The following POLG2 variants were observed in gnomAD, a reference collection of about 807,000 sequenced individuals.
POLG2 encodes the protein DNA polymerase gamma 2, accessory subunit.
Under a neutral mutation model 56.5 loss-of-function variants are expected in POLG2, and 50 were observed. The observed-to-expected ratio is 0.88, with a 90% CI of 0.71 to 1.12. The LOEUF is 1.12. Among genes scored for constraint, POLG2 ranks in the 50% most tolerant of loss-of-function variants. POLG2 has a pLI of 0.00. For synonymous variants in POLG2, 226 were observed against 222.6 expected, an observed-to-expected ratio of 1.02 and a Z score of -0.14; for missense variants, 584 against 583.3, an observed-to-expected ratio of 1.00 and a Z score of -0.01.
intron 6 of POLG2, 98 bp downstream of exon 6, chr17:64,482,821 A>G: frequency 1.3e-6 from 1 of 746,610 alleles, no homozygotes; most frequent in Non-Finnish European, 2.4e-6. Flanking sequence ...ATGCAAATAT[A>G]CCAAAAAAAT....
chr17:64,491,407 T>C (rs1257892146), intron 3 of POLG2: 2 of 662,884 alleles, frequency 3.0e-6, no homozygotes, highest in Non-Finnish European at 2.5e-6. Context: ...CCAGCCTGGG[T>C]AACAGAGCAA....
chr17:64,481,335 G>C (rs1393718486), intron 6 of POLG2: 1 of 985,324 alleles, frequency 1.0e-6, no homozygotes. Context: ...ACAAAAGCCA[G>C]GGTCAGAAAG....
intron 4 of POLG2, chr17:64,490,572 T>G: frequency 1.9e-6 from 1 of 540,422 alleles, no homozygotes; most frequent in Non-Finnish European, 3.3e-6. Context: ...ATGCCATTAT[T>G]GAGATAATCA....
At chr17:64,493,395 C>A (rs1194719179) in intron 1 of POLG2, among the ~76,000 whole-genome samples, 2 of 151,756 alleles carry the variant, frequency 1.3e-5, no homozygotes, top group East Asian at 1.9e-4. Context: ...CCAGCCTGGG[C>A]AACAGAGTGA....
intron 5 of POLG2, among the ~76,000 whole-genome samples, chr17:64,484,849 C>T (rs1555667150): frequency 6.6e-6 from 1 of 152,096 alleles, no homozygotes; most frequent in Admixed American, 6.6e-5. Flanking sequence ...TCATGGTTCC[C>T]AATCCCAGCT....
chr17:64,488,787 G>A (rs2038002251), intron 4 of POLG2, among the ~76,000 whole-genome samples: 1 of 151,928 alleles, frequency 6.6e-6, no homozygotes, highest in South Asian at 2.1e-4. Flanking sequence ...GGTCAATATG[G>A]TGAAACCCTG....
At chr17:64,483,411 C>T (rs375199276) in intron 5 of POLG2, among the ~76,000 whole-genome samples, 4 of 151,374 alleles carry the variant, frequency 2.6e-5, no homozygotes, top group East Asian at 1.9e-4. Context: ...GCTACTCAGG[C>T]GGCTGAGGTG....
rs782104737 is a variant in POLG2 at position 64,496,723 on chromosome 17, G to C, written c.246C>G (p.Ser82Arg). 1 of 1,614,072 alleles carries C rather than the reference G, an allele frequency of 6.2e-7. No homozygotes were observed. Among genetic ancestry groups the C allele is most frequent in the Non-Finnish European group, 8.5e-7 (1 of 1,180,022 alleles). ...ICQRRHFLSGSKQQLSRDSLL... is the reference protein window; with the variant it reads ...ICQRRHFLSGRKQQLSRDSLL... ...GAGAATCCCGGCTAAGCTGCTGCTT[G>C]CTTCCACTTAGGAAATGCCTTCTCT... The change falls in exon 1 of 8, where the codon AGC (serine) becomes AGG (arginine). Residue 82 changes from serine to arginine, a missense_variant. Ser to Arg is a moderately radical substitution (Grantham distance 110). Transcript: ENST00000539111.
intron 4 of POLG2, among the ~76,000 whole-genome samples, chr17:64,488,682 T>C (rs1423692531): frequency 6.6e-6 from 1 of 152,226 alleles, no homozygotes; most frequent in Non-Finnish European, 1.5e-5. Flanking sequence ...TACCCCAAAA[T>C]GAAGTGTGAT....
rs1237012488 is a variant in POLG2, at chr17:64,493,778, G to T, written c.563-757C>A. Among the ~76,000 whole-genome samples, 2 of 152,032 alleles carry T rather than the reference G, an allele frequency of 1.3e-5. 1 individual carries two copies. Among genetic ancestry groups the T allele is most frequent in the African/African-American group, 4.8e-5 (2 of 41,390 alleles). On this transcript the variant is annotated intron_variant, in intron 1 of 7. Transcript: ENST00000539111. ...TGGGATTACAGGCGTGAGCCACCGC[G>T]CCCGACAAAGATTTTCAAATCTATA...
At chr17:64,492,614 C>T in intron 3 of POLG2, 53 bp downstream of exon 3, 2 of 1,006,250 alleles carry the variant, frequency 2.0e-6, no homozygotes, top group Admixed American at 3.6e-5. Flanking sequence ...ACCACTGACA[C>T]ATTAAGACAA....
At position 64,491,526 on chromosome 17, in the gene POLG2, G is replaced by A; in HGVS notation, c.796-557C>T. On this transcript the variant is annotated intron_variant, in intron 3 of 7. Transcript: ENST00000539111. Reference sequence around the variant, plus strand: ...CTATGTCTCTAAAAAAACCAAGATGGAGTCAGTTGTACCAGTGAAGGACAA... The same window carrying A: ...CTATGTCTCTAAAAAAACCAAGATGAAGTCAGTTGTACCAGTGAAGGACAA... 3 of 1,532,390 alleles carry A rather than the reference G, an allele frequency of 2.0e-6. No homozygotes were observed. In the South Asian group the frequency reaches 3.4e-5, roughly 17 times the overall value. The allele number at this position is 1,532,390 out of a possible 1,614,324, so 94.9% of individuals were successfully genotyped here. A position where few individuals can be genotyped will look rare whatever the true frequency, so the allele number is the denominator to read the frequency against.
Position 64,490,880 on chromosome 17 carries a change from C to T in POLG2, c.885G>A (p.Trp295Ter). The T allele has an allele frequency of 6.2e-7, 1 of 1,613,732 alleles. No individual in the cohort carries two copies. Among genetic ancestry groups the T allele is most frequent in the Non-Finnish European group, 8.5e-7 (1 of 1,179,668 alleles). ...KGNKLYYNFP[W>*]GKELIETLWN... ...ACAGGGTTTCTATTAACTCCTTTCCCCAGGGAAAATTGTAGTAAAGTTTGT... is the reference window on the plus strand; with the variant it reads ...ACAGGGTTTCTATTAACTCCTTTCCTCAGGGAAAATTGTAGTAAAGTTTGT... Residue 295 changes from tryptophan (W) to a stop codon, truncating the protein, a stop_gained, in exon 4 of 8, where the codon TGG becomes TGA. Coordinates refer to ENST00000539111, the MANE Select transcript of POLG2 (RefSeq NM_007215.4). LOFTEE classifies it high-confidence loss of function.
intron 6 of POLG2, among the ~76,000 whole-genome samples, chr17:64,482,364 C>G (rs2037876263): frequency 6.6e-6 from 1 of 151,456 alleles, no homozygotes; most frequent in Non-Finnish European, 1.5e-5. Context: ...CTCTGTCGCC[C>G]AGGCTGGAGT....
intron 7 of POLG2, 49 bp from the exon 8 acceptor site, chr17:64,478,037 A>C (rs1555665842): frequency 6.3e-7 from 1 of 1,585,590 alleles, no homozygotes. Context: ...TGTAAATAAT[A>C]AATTCCTCCA....
At position 64,480,500 on chromosome 17, in the gene POLG2, GTTTC is replaced by G. The variant is rs2037839833; in HGVS notation, c.1192-115_1192-112del. 6 of 545,354 alleles carry G rather than the reference GTTTC, an allele frequency of 1.1e-5. No individual in the cohort carries two copies. The South Asian group carries it at 1.1e-4, about 10-fold the overall frequency. 33.8% of individuals were successfully genotyped at this position (545,354 alleles called of 1,614,324 possible). ...CCTCTTCAATCTCTAAAATGGGTAT[GTTTC>G]TTTAATTATGTGATGTTAATGTTTA... On this transcript the variant is annotated intron_variant, in intron 6 of 7. Coordinates refer to ENST00000539111, the MANE Select transcript of POLG2 (RefSeq NM_007215.4).
At chr17:64,481,775 T>C (rs188524110) in intron 6 of POLG2, among the ~76,000 whole-genome samples, 1 of 152,162 alleles carries the variant, frequency 6.6e-6, no homozygotes, top group African/African-American at 2.4e-5. Context: ...CTAGGGAGGC[T>C]GAGGCAGGAG....
chr17:64,494,527 T>C (rs2038117824), intron 1 of POLG2, among the ~76,000 whole-genome samples: 1 of 152,204 alleles, frequency 6.6e-6, no homozygotes, highest in Admixed American at 6.5e-5. Context: ...TATCTTTCCT[T>C]CTACATTTAT....
intron 6 of POLG2, chr17:64,481,231 G>C (rs1463833685): frequency 2.1e-6 from 2 of 964,680 alleles, no homozygotes; most frequent in Non-Finnish European, 2.5e-6. Context: ...AAGGGTATTA[G>C]GGAGGCTGCC....
Sources: allele counts gnomAD v4.1 joint callset (sites outside exome capture counted in the v4.1 genomes callset), GRCh38; gene constraint gnomAD v4.1.1; transcripts MANE v1.5; gene names NCBI Gene and HGNC (gene_info 2026-07-23, HGNC 2026-07-21).